The following HTT variants were observed in gnomAD, a reference collection of about 807,000 sequenced individuals.
HTT encodes huntingtin, also known as huntington disease protein.
Under a neutral mutation model 362.3 loss-of-function variants are expected in HTT, and 104 were observed. The ratio of observed to expected loss-of-function variants is 0.29; its 90% CI spans 0.24 to 0.34. The LOEUF (loss-of-function observed/expected upper bound fraction) is 0.34, where lower values mean the gene tolerates loss of function less well. HTT is among the 10% of genes least tolerant of loss of function. The probability of loss-of-function intolerance (pLI) is 1.00; values close to 1 mark genes in which losing one functional copy is unlikely to be tolerated. For synonymous variants in HTT, 1,577 were observed against 1,548.7 expected, an observed-to-expected ratio of 1.02 and a Z score of -0.43; for missense variants, 3,301 against 3,928.6, an observed-to-expected ratio of 0.84 and a Z score of 4.27.
Position 3,228,759 on chromosome 4 carries a change from C to CT in HTT, c.7979+19dup, listed in dbSNP as rs759639847. 3 of 1,570,016 alleles carry CT rather than the reference C, an allele frequency of 1.9e-6. No homozygotes were observed. The highest frequency in any genetic ancestry group is 1.2e-5 in the South Asian group (1 of 85,556). Reference sequence around the variant, plus strand: ...AGTCAACTCCAGGTTTTCCAATGGCCTTTTTCTTTTTAACAGAAATTTGAA... The same window carrying CT: ...AGTCAACTCCAGGTTTTCCAATGGCCTTTTTTCTTTTTAACAGAAATTTGAA... On this transcript the variant is annotated intron_variant, in intron 58 of 66. Coordinates refer to ENST00000355072, the MANE Select transcript of HTT (RefSeq NM_001388492.1). This position sits in a 1 kb window ranked among gnomAD's most constrained non-coding sequence, Gnocchi z 4.3.
At chr4:3,150,240 A>C (rs1455590055) in intron 26 of HTT, among the ~76,000 whole-genome samples, 6 of 152,212 alleles carry the variant, frequency 3.9e-5, no homozygotes, top group Non-Finnish European at 8.8e-5. Context: ...CACTAAACAC[A>C]TATAGCTGTT....
rs945523540 is a variant in HTT at position 3,215,177 on chromosome 4, C to T, written c.7020C>T (p.Ser2340=). The change falls in exon 51 of 67, where the codon AGC becomes AGT. Residue 2340 remains serine (S), a synonymous_variant. Transcript: ENST00000355072. ...GGACAAATACCCCAAAAGCCATCAG[C>T]GAGGAGGAGGAGGAAGTAGATCCAA... The part of the protein sequence containing the change: ...ERRTNTPKAI[S]EEEEEVDPNT... The T allele has an allele frequency of 1.0e-4, 164 of 1,613,682 alleles. 1 individual carries two copies. The highest frequency in any genetic ancestry group is 8.2e-4 in the Middle Eastern group (5 of 6,084).
chr4:3,165,748 G>C (rs1324344534), intron 29 of HTT, among the ~76,000 whole-genome samples: 2 of 151,804 alleles, frequency 1.3e-5, no homozygotes, highest in African/African-American at 2.4e-5. Context: ...TCGTTCTGTG[G>C]TTTTTAGCTC....
chr4:3,197,227 T>A (rs2110259041), intron 40 of HTT, among the ~76,000 whole-genome samples: 1 of 152,190 alleles, frequency 6.6e-6, no homozygotes, highest in Admixed American at 6.5e-5. Flanking sequence ...GGTAGGTCCA[T>A]CCCCTTTGTG....
intron 41 of HTT, among the ~76,000 whole-genome samples, chr4:3,202,721 G>C (rs932176500): frequency 6.6e-6 from 1 of 152,120 alleles, no homozygotes; most frequent in African/African-American, 2.4e-5. Context: ...CATAGAAATA[G>C]AATCTATAGG....
intron 65 of HTT, 88 bp from the exon 66 acceptor site, chr4:3,238,730 G>GGCCCCACCCCCCCCCCCCC: frequency 9.1e-7 from 1 of 1,097,040 alleles, no homozygotes; most frequent in Non-Finnish European, 1.3e-6. Flanking sequence ...AATGCCTCTG[G>GGCCCCACCCCCCCCCCCCC]CCCCCACCCC....
In HTT at chr4:3,121,248, T is replaced by C. The variant is rs1259996236; in HGVS notation, c.1089T>C (p.His363=). The change falls in exon 9 of 67, where the codon CAT becomes CAC. Residue 363 remains histidine, a synonymous_variant. Coordinates refer to ENST00000355072, the MANE Select transcript of HTT (RefSeq NM_001388492.1). ...TCTAGGTTTATGAACTGACGTTACA[T>C]CATACACAGCACCAAGACCACAATG... ...QLVQVYELTL[H]HTQHQDHNVV... is the part of the protein sequence containing the mutation. 6.2e-7 allele frequency: 1 copy of C among 1,613,780 alleles called. No individual in the cohort carries two copies. Among genetic ancestry groups the C allele is most frequent in the Non-Finnish European group, 8.5e-7 (1 of 1,179,774 alleles).
intron 45 of HTT, among the ~76,000 whole-genome samples, chr4:3,207,840 A>G (rs1719939705): frequency 6.6e-6 from 1 of 152,012 alleles, no homozygotes; most frequent in African/African-American, 2.4e-5. Context: ...GTCTTTGAGA[A>G]GCCTTTGTCA....
intron 56 of HTT, 133 bp downstream of exon 56, chr4:3,224,264 C>T: frequency 1.2e-6 from 1 of 863,580 alleles, no homozygotes; most frequent in Non-Finnish European, 1.8e-6. Flanking sequence ...GCTAAATACG[C>T]TGCCCCTTTC....
intron 29 of HTT, among the ~76,000 whole-genome samples, chr4:3,165,185 G>A (rs1717639065): frequency 6.6e-6 from 1 of 152,166 alleles, no homozygotes; most frequent in Non-Finnish European, 1.5e-5. Context: ...ATGAAGCTTA[G>A]TTTGGCTGGA....
intron 36 of HTT, 92 bp from the exon 37 acceptor site, chr4:3,182,262 C>T: frequency 1.3e-6 from 1 of 787,950 alleles, no homozygotes; most frequent in Non-Finnish European, 2.2e-6. Context: ...TAGAGTCTTC[C>T]AGCTGAACTG....
intron 25 of HTT, 40 bp from the exon 26 acceptor site, chr4:3,147,965 C>G: frequency 6.7e-7 from 1 of 1,502,846 alleles, no homozygotes; most frequent in Non-Finnish European, 9.1e-7. Flanking sequence ...CCTTCCCATG[C>G]TATTGGGGTG....
intron 29 of HTT, among the ~76,000 whole-genome samples, chr4:3,170,434 T>C (rs1001686609): frequency 2.6e-5 from 4 of 152,194 alleles, no homozygotes; most frequent in African/African-American, 9.7e-5. Context: ...AGTGACTTTC[T>C]AGCCCTGTGT....
At chr4:3,189,630 G>T (rs991441807) in intron 40 of HTT, among the ~76,000 whole-genome samples, 1 of 152,192 alleles carries the variant, frequency 6.6e-6, no homozygotes, top group Non-Finnish European at 1.5e-5. Flanking sequence ...GGGGAGGGGA[G>T]TTATTTTTAC....
chr4:3,077,843 A>G (rs954338480), intron 1 of HTT, among the ~76,000 whole-genome samples: 1 of 151,594 alleles, frequency 6.6e-6, no homozygotes, highest in African/African-American at 2.4e-5. Context: ...TGCTGTTGAG[A>G]AAGGAGGTAT....
rs747953296 is a variant in HTT, at chr4:3,134,460, C to T, written c.2553C>T (p.Ile851=). The T allele has an allele frequency of 6.2e-6, 10 of 1,613,298 alleles. No homozygotes were observed. Among genetic ancestry groups the T allele is most frequent in the East Asian group, 4.5e-5 (2 of 44,886 alleles). The change falls in exon 19 of 67, where the codon ATC becomes ATT. Residue 851 remains isoleucine (I), a synonymous_variant. Coordinates refer to ENST00000355072, the MANE Select transcript of HTT (RefSeq NM_001388492.1). ...GTGAGTTAGGACTGCAGCTGATCAT[C>T]GATGTGCTGACTCTGAGGAACAGTT... ...SYSELGLQLI[I]DVLTLRNSSY...
chr4:3,147,155 C>T (rs888999467), intron 25 of HTT, among the ~76,000 whole-genome samples: 1 of 152,240 alleles, frequency 6.6e-6, no homozygotes, highest in Admixed American at 6.5e-5. Context: ...AAAGTAGCCT[C>T]TTCCCAATAT....
chr4:3,134,837 C>A (rs1392831768), intron 19 of HTT, among the ~76,000 whole-genome samples: 1 of 152,158 alleles, frequency 6.6e-6, no homozygotes, highest in Non-Finnish European at 1.5e-5. Context: ...TCAAGTGGTC[C>A]TCCTGCCTCA....
At position 3,206,940 on chromosome 4, in the gene HTT, T is replaced by C. The variant is rs751702059; in HGVS notation, c.6032T>C (p.Leu2011Pro). The change falls in exon 44 of 67, where the codon CTT (leucine) becomes CCT (proline). Residue 2011 changes from leucine (L) to proline (P), a missense_variant. Leu to Pro is a moderately conservative substitution (Grantham distance 98). This residue lies in a region of HTT where 2,316 missense variants were observed against 2,658.5 expected (regional missense o/e 0.87). Coordinates refer to ENST00000355072, the MANE Select transcript of HTT (RefSeq NM_001388492.1). This position sits in a 1 kb window ranked among gnomAD's most constrained non-coding sequence, Gnocchi z 4.6. ...FRVLARMVDI[L>P]ACRRVEMLLA... ...GTGCTGGCTCGCATGGTCGACATCCTTGCTTGTCGCCGGGTAGAAATGCTT... is the reference window on the plus strand; with the variant it reads ...GTGCTGGCTCGCATGGTCGACATCCCTGCTTGTCGCCGGGTAGAAATGCTT... The C allele has an allele frequency of 6.2e-7, 1 of 1,613,816 alleles. No individual in the cohort carries two copies. Among genetic ancestry groups the C allele is most frequent in the Non-Finnish European group, 8.5e-7 (1 of 1,179,902 alleles).
Sources: allele counts gnomAD v4.1 joint callset (sites outside exome capture counted in the v4.1 genomes callset), GRCh38; gene constraint gnomAD v4.1.1; regional missense constraint gnomAD v4.1.1; non-coding constraint Gnocchi (gnomAD v3.1); transcripts MANE v1.5; gene names NCBI Gene and HGNC (gene_info 2026-07-23, HGNC 2026-07-21).